The following CSMD3 variants were observed in gnomAD, a reference collection of about 807,000 sequenced individuals.
CSMD3 encodes the protein CUB and Sushi multiple domains 3.
A neutral mutation model predicts 435.2 loss-of-function variants in CSMD3; 177 were observed. The ratio of observed to expected loss-of-function variants is 0.41; its 90% CI spans 0.36 to 0.46. The LOEUF is 0.46. Among genes scored for constraint, CSMD3 ranks in the 20% least tolerant of loss-of-function variants. The pLI is 0.34. For synonymous variants in CSMD3, 1,656 were observed against 1,520.5 expected (o/e 1.09, Z -2.07); for missense variants, 4,265 against 4,504.6 (o/e 0.95, Z 1.52).
At chr8:112,831,323 TC>T (rs1587422205) in intron 11 of CSMD3, among the ~76,000 whole-genome samples, 1 of 115,494 alleles carries the variant, frequency 8.7e-6, no homozygotes, top group Non-Finnish European at 1.8e-5. Flanking sequence ...CCATTTTCTT[TC>T]TTTTTTTTTT....
chr8:113,081,533 G>A (rs992014267), intron 5 of CSMD3, among the ~76,000 whole-genome samples: 2 of 152,272 alleles, frequency 1.3e-5, no homozygotes, highest in South Asian at 4.1e-4. Flanking sequence ...GATACCCTGA[G>A]TATAGGGAGT....
rs2080043517 is a variant in CSMD3 at position 112,836,950 on chromosome 8, A to C, written c.1756-7161T>G. ...GCTTGATGATAGTAATTACATGCTT[A>C]AACATCATGCTATTCTACGTTAACA... On this transcript the variant is annotated intron_variant, in intron 11 of 70. Coordinates refer to ENST00000297405, the MANE Select transcript of CSMD3 (RefSeq NM_198123.2). 5.3e-5 allele frequency among the ~76,000 whole-genome samples: 8 copies of C among 151,868 alleles called. No individual in the cohort carries two copies. In the Admixed American group the frequency reaches 5.3e-4, roughly 10 times the overall value.
chr8:112,698,596 G>T (rs989096893), intron 13 of CSMD3, among the ~76,000 whole-genome samples: 1 of 152,134 alleles, frequency 6.6e-6, no homozygotes, highest in Non-Finnish European at 1.5e-5. Context: ...AAGAATGATG[G>T]TGGGGACATA....
intron 1 of CSMD3, among the ~76,000 whole-genome samples, chr8:113,409,801 TACTG>T (rs2094549915): frequency 6.6e-6 from 1 of 152,004 alleles, no homozygotes; most frequent in Non-Finnish European, 1.5e-5. Context: ...CTGAGGAAGA[TACTG>T]ACTGGCTACA....
chr8:113,016,297 T>C (rs1342026109), intron 6 of CSMD3, among the ~76,000 whole-genome samples: 2 of 151,918 alleles, frequency 1.3e-5, no homozygotes, highest in African/African-American at 4.8e-5. Context: ...TTTAGCATGC[T>C]ATTCTCAGTC....
intron 1 of CSMD3, among the ~76,000 whole-genome samples, chr8:113,394,464 G>T (rs947629854): frequency 2.0e-5 from 3 of 151,940 alleles, no homozygotes; most frequent in Non-Finnish European, 4.4e-5. Flanking sequence ...CATTTTAAAT[G>T]AAAATATGGC....
At chr8:112,805,782 A>C (rs1483697880) in intron 12 of CSMD3, among the ~76,000 whole-genome samples, 1 of 152,196 alleles carries the variant, frequency 6.6e-6, no homozygotes, top group East Asian at 1.9e-4. Context: ...AAAGGAGTTC[A>C]GTATTTATGA....
At chr8:113,075,966 A>T (rs541084595) in intron 5 of CSMD3, among the ~76,000 whole-genome samples, 48 of 151,914 alleles carry the variant, frequency 3.2e-4, no homozygotes, top group African/African-American at 1.0e-3. Flanking sequence ...TGATTTAAAA[A>T]ATTCAATCAA....
intron 13 of CSMD3, among the ~76,000 whole-genome samples, chr8:112,754,017 A>C (rs2132115876): frequency 6.6e-6 from 1 of 152,326 alleles, no homozygotes; most frequent in South Asian, 2.1e-4. Context: ...ATAAGAGAAA[A>C]GTCTGATGAA....
chr8:112,282,073 T>C (rs781252999), intron 58 of CSMD3, among the ~76,000 whole-genome samples: 5 of 152,150 alleles, frequency 3.3e-5, no homozygotes, highest in Admixed American at 6.6e-5. Context: ...ATATCAAACG[T>C]AATACTTAAT....
intron 2 of CSMD3, among the ~76,000 whole-genome samples, chr8:113,294,702 A>T (rs972057688): frequency 3.3e-5 from 5 of 152,174 alleles, no homozygotes; most frequent in Non-Finnish European, 7.4e-5. Context: ...ATAGGAAAAG[A>T]GGAACTATAG....
At chr8:112,418,133 T>G (rs1432463593) in intron 32 of CSMD3, among the ~76,000 whole-genome samples, 1 of 152,096 alleles carries the variant, frequency 6.6e-6, no homozygotes. Flanking sequence ...AAAGAAGGAT[T>G]CAAATCAAAG....
intron 13 of CSMD3, among the ~76,000 whole-genome samples, chr8:112,759,551 A>G (rs1426378299): frequency 1.3e-5 from 2 of 152,084 alleles, no homozygotes; most frequent in African/African-American, 4.8e-5. Context: ...TTCTTACTAC[A>G]TGATTTGATC....
At chr8:112,771,813 T>C (rs1165118789) in intron 13 of CSMD3, among the ~76,000 whole-genome samples, 1 of 152,046 alleles carries the variant, frequency 6.6e-6, no homozygotes, top group Non-Finnish European at 1.5e-5. Flanking sequence ...ATAAACATTG[T>C]TCATGAAATG....
At chr8:113,154,850 C>T (rs2091900937) in intron 4 of CSMD3, among the ~76,000 whole-genome samples, 1 of 151,876 alleles carries the variant, frequency 6.6e-6, no homozygotes, top group African/African-American at 2.4e-5. Flanking sequence ...TTTTCTATTC[C>T]TTCTGCTGCC....
At chr8:112,951,341 G>C (rs1333454595) in intron 8 of CSMD3, among the ~76,000 whole-genome samples, 2 of 151,714 alleles carry the variant, frequency 1.3e-5, no homozygotes, top group African/African-American at 4.8e-5. Context: ...TTAATTACAT[G>C]AATAGTGTAA....
chr8:112,375,899 A>G (rs1359443324), intron 38 of CSMD3, among the ~76,000 whole-genome samples: 4 of 152,122 alleles, frequency 2.6e-5, no homozygotes, highest in Non-Finnish European at 2.9e-5. Context: ...AGTCATGCTT[A>G]TATAAGCAGC....
At chr8:112,362,261 T>G (rs1827319997) in intron 38 of CSMD3, among the ~76,000 whole-genome samples, 2 of 152,104 alleles carry the variant, frequency 1.3e-5, no homozygotes, top group South Asian at 4.1e-4. Context: ...TTCATGAATG[T>G]TTGTGGATAA....
At chr8:112,865,710 A>T (rs1308826947) in intron 10 of CSMD3, among the ~76,000 whole-genome samples, 1 of 151,630 alleles carries the variant, frequency 6.6e-6, no homozygotes, top group Admixed American at 6.6e-5. Context: ...ACACACACAC[A>T]CACACACACA....
Sources: gnomAD v4.1 joint callset for allele counts (sites outside exome capture counted in the v4.1 genomes callset) on GRCh38, gnomAD v4.1.1 for gene constraint, MANE v1.5 for transcripts, NCBI Gene and HGNC (gene_info 2026-07-23, HGNC 2026-07-21) for gene names.